Variants in TTC6 observed in about 807,000 individuals in gnomAD.
TTC6 encodes tetratricopeptide repeat protein 6.
In TTC6, 172 loss-of-function variants were observed where a neutral mutation model predicts 210.4. That is an observed-to-expected ratio of 0.82 (90% CI 0.72 to 0.93). TTC6 has a LOEUF of 0.93. Ranked by LOEUF, TTC6 falls within the 40% of genes least tolerant of loss-of-function variation. The pLI is 0.00. For synonymous variants in TTC6, 804 were observed against 819.6 expected (o/e 0.98, Z 0.32); for missense variants, 2,414 against 2,318.1 (o/e 1.04, Z -0.85).
intron 14 of TTC6, among the ~76,000 whole-genome samples, chr14:37,760,148 G>A (rs1474382544): frequency 1.3e-5 from 2 of 152,152 alleles, no homozygotes; most frequent in African/African-American, 4.8e-5. Context: ...ATCTATCTTT[G>A]ATCTCTGAGG....
intron 3 of TTC6, among the ~76,000 whole-genome samples, chr14:37,691,947 C>T (rs1030573336): frequency 1.3e-5 from 2 of 151,686 alleles, no homozygotes; most frequent in Non-Finnish European, 2.9e-5. Context: ...GGACAGATCC[C>T]TAGACACATA....
At chr14:37,841,446 C>T (rs1256021571) in exon 30 of TTC6, 1 of 1,583,988 alleles carries the variant, frequency 6.3e-7, no homozygotes, top group Non-Finnish European at 8.5e-7. Flanking sequence ...ATTTTGTAGG[C>T]CAGTGACTAC....
chr14:37,714,902 G>C (rs1277633365), intron 6 of TTC6, 106 bp downstream of exon 8: 9 of 1,075,570 alleles, frequency 8.4e-6, no homozygotes, highest in Non-Finnish European at 1.0e-5. Flanking sequence ...GGCTGGCCAG[G>C]TGTGGTAGCT....
rs138914530 is a variant in TTC6 at position 37,812,387 on chromosome 14, G to A, written c.4643G>A (p.Arg1548His). ...GTAAAACTAAATACCTTCCTTAATC[G>A]TGGACTCATCTACGTAGAACTAGGC... The change falls in exon 25 of 31, where the codon CGT (arginine) becomes CAT (histidine). Residue 1548 changes from arginine to histidine, a missense_variant. Arg to His is a conservative substitution (Grantham distance 29). Transcript: ENST00000553443. 8.7e-4 allele frequency: 1,407 copies of A among 1,613,050 alleles called. 6 individuals are homozygous for A. Among genetic ancestry groups the A allele is most frequent in the Non-Finnish European group, 2.1e-4 (250 of 1,179,464 alleles).
At chr14:37,674,449 A>G (rs979218287) in intron 1 of TTC6, among the ~76,000 whole-genome samples, 3 of 152,146 alleles carry the variant, frequency 2.0e-5, no homozygotes, top group African/African-American at 7.2e-5. Context: ...AATGTGAACA[A>G]TAACTATTAT....
intron 14 of TTC6, among the ~76,000 whole-genome samples, chr14:37,756,168 T>C (rs1194501106): frequency 1.3e-5 from 2 of 152,222 alleles, no homozygotes; most frequent in African/African-American, 4.8e-5. Context: ...TATTGGTGTA[T>C]AGGAATGCTT....
chr14:37,814,089 T>G (rs1407434611), intron 25 of TTC6, among the ~76,000 whole-genome samples: 1 of 152,176 alleles, frequency 6.6e-6, no homozygotes, highest in Non-Finnish European at 1.5e-5. Flanking sequence ...ATTCCTTTGC[T>G]CAAAACCCTC....
At chr14:37,808,615 A>G in intron 23 of TTC6, 118 bp from the exon 26 acceptor site, 1 of 530,618 alleles carries the variant, frequency 1.9e-6, no homozygotes, top group Non-Finnish European at 3.3e-6. Flanking sequence ...CACAGATGAT[A>G]CAAAGAATGG....
chr14:37,651,965 A>G (rs1194013322), intron 1 of TTC6, among the ~76,000 whole-genome samples: 4 of 152,206 alleles, frequency 2.6e-5, no homozygotes, highest in African/African-American at 9.6e-5. Flanking sequence ...GGTTTGAAGC[A>G]GGTCAGTGAT....
At chr14:37,648,105 T>C (rs943647702) in intron 1 of TTC6, among the ~76,000 whole-genome samples, 2 of 152,190 alleles carry the variant, frequency 1.3e-5, no homozygotes, top group African/African-American at 4.8e-5. Flanking sequence ...TTTCAAATTG[T>C]TTATTACCAT....
At chr14:37,660,521 A>G (rs2095735233) in intron 1 of TTC6, among the ~76,000 whole-genome samples, 5 of 151,132 alleles carry the variant, frequency 3.3e-5, no homozygotes, top group South Asian at 4.1e-4. Context: ...GCTGAGGATA[A>G]TGGCTTCCAG....
At chr14:37,805,567 C>G (rs906165095) in intron 21 of TTC6, among the ~76,000 whole-genome samples, 2 of 151,978 alleles carry the variant, frequency 1.3e-5, no homozygotes, top group African/African-American at 4.8e-5. Context: ...TTAAGAAATG[C>G]CAGTAAATAT....
intron 14 of TTC6, among the ~76,000 whole-genome samples, chr14:37,776,836 G>A (rs1055197871): frequency 6.6e-6 from 1 of 152,026 alleles, no homozygotes; most frequent in Non-Finnish European, 1.5e-5. Context: ...GGCTGAGGTT[G>A]CAGTGAGCCG....
chr14:37,611,793 A>G (rs1431855052), intron 2 of TTC6, among the ~76,000 whole-genome samples: 1 of 152,038 alleles, frequency 6.6e-6, no homozygotes, highest in Non-Finnish European at 1.5e-5. Context: ...GTAAACCTCA[A>G]CCACCAGTAG....
chr14:37,654,289 G>C (rs1479068369), intron 1 of TTC6, among the ~76,000 whole-genome samples: 1 of 152,098 alleles, frequency 6.6e-6, no homozygotes, highest in African/African-American at 2.4e-5. Context: ...CAAAGGATAA[G>C]TGCTTGAGGG....
At chr14:37,729,510 G>C (rs1359157372) in intron 7 of TTC6, among the ~76,000 whole-genome samples, 1 of 152,202 alleles carries the variant, frequency 6.6e-6, no homozygotes, top group Admixed American at 6.5e-5. Flanking sequence ...TGAGCACAAG[G>C]TGGTTGCTAG....
At chr14:37,772,722 T>C (rs2096023928) in intron 14 of TTC6, among the ~76,000 whole-genome samples, 1 of 152,160 alleles carries the variant, frequency 6.6e-6, no homozygotes, top group Non-Finnish European at 1.5e-5. Context: ...CCTAGTGAGA[T>C]GAACCCGGTA....
intron 14 of TTC6, 22 bp downstream of exon 16, chr14:37,753,257 GT>G (rs1487338781): frequency 3.3e-6 from 5 of 1,493,768 alleles, no homozygotes; most frequent in Non-Finnish European, 4.5e-6. Flanking sequence ...TTTAGATGTC[GT>G]TTTAAAATTA....
intron 3 of TTC6, among the ~76,000 whole-genome samples, chr14:37,686,053 A>G (rs554758923): frequency 9.9e-5 from 15 of 152,282 alleles, no homozygotes; most frequent in South Asian, 2.1e-4. Context: ...TAGACTGAAT[A>G]TCATAAAAAT....
Sources: allele counts gnomAD v4.1 joint callset (sites outside exome capture counted in the v4.1 genomes callset), GRCh38; gene constraint gnomAD v4.1.1; transcripts MANE v1.5; gene names NCBI Gene and HGNC (gene_info 2026-07-23, HGNC 2026-07-21).